Variants in RRM2B observed in about 807,000 individuals in gnomAD.
RRM2B encodes the protein ribonucleoside-diphosphate reductase subunit M2 B.
In RRM2B, 20 loss-of-function variants were observed where a neutral mutation model predicts 45.9. The observed-to-expected ratio is 0.44, with a 90% CI of 0.31 to 0.63. The LOEUF is 0.63. Among genes scored for constraint, RRM2B ranks in the 30% least tolerant of loss-of-function variants. The pLI, the probability that RRM2B is intolerant of heterozygous loss-of-function variation, is 0.09. For missense variants in RRM2B, 320 were observed against 414.7 expected (o/e 0.77, Z 1.98); for synonymous variants, 124 against 132.3 (o/e 0.94, Z 0.43).
In RRM2B at chr8:102,226,644, T is replaced by C. The variant is rs564309521; in HGVS notation, c.205-610A>G. ...TAATTAGGCACCTATTAACCAACTG[T>C]AGCTGCTACTTTACTGCCAGGTAAT... On this transcript the variant is annotated intron_variant, in intron 2 of 8. Coordinates refer to ENST00000251810, the MANE Select transcript of RRM2B (RefSeq NM_015713.5). Among the ~76,000 whole-genome samples the C allele has an allele frequency of 5.3e-5, 8 of 152,322 alleles. No homozygotes were observed. The East Asian group carries it at 9.6e-4, about 18-fold the overall frequency.
intron 5 of RRM2B, among the ~76,000 whole-genome samples, chr8:102,221,970 A>C (rs1810844605): frequency 6.6e-6 from 1 of 152,078 alleles, no homozygotes; most frequent in African/African-American, 2.4e-5. Flanking sequence ...CCTCAGTCCC[A>C]CCTGGGCCTC....
chr8:102,238,493 A>C, intron 1 of RRM2B: 1 of 1,337,448 alleles, frequency 7.5e-7, no homozygotes, highest in Non-Finnish European at 9.9e-7. Flanking sequence ...TTCCCTGGCC[A>C]GGGCTCCAAA....
At chr8:102,233,378 T>C (rs1811067604) in intron 1 of RRM2B, among the ~76,000 whole-genome samples, 1 of 152,226 alleles carries the variant, frequency 6.6e-6, no homozygotes, top group African/African-American at 2.4e-5. Flanking sequence ...TAACTACTTG[T>C]TTAAAGGTAT....
chr8:102,237,579 T>A (rs891875356), intron 1 of RRM2B, among the ~76,000 whole-genome samples: 1 of 152,256 alleles, frequency 6.6e-6, no homozygotes, highest in Non-Finnish European at 1.5e-5. Flanking sequence ...TAAAAACTTT[T>A]GGACCACTAA....
In RRM2B at chr8:102,211,833, C is replaced by T. The variant is rs142766081; in HGVS notation, c.903+943G>A. Among the ~76,000 whole-genome samples, 128 of 152,264 alleles carry T rather than the reference C, an allele frequency of 8.4e-4. 2 individuals carry two copies. In the Middle Eastern group the frequency reaches 0.014, roughly 16 times the overall value. On this transcript the variant is annotated intron_variant, in intron 8 of 8. Coordinates refer to ENST00000251810, the MANE Select transcript of RRM2B (RefSeq NM_015713.5). ...TAGTTTATCTTACCAAAAAAACCTACGCCCCACTTGACTTTTTCATTAAGT... is the reference window on the plus strand; with the variant it reads ...TAGTTTATCTTACCAAAAAAACCTATGCCCCACTTGACTTTTTCATTAAGT...
At chr8:102,238,463 T>A in intron 1 of RRM2B, 1 of 1,129,300 alleles carries the variant, frequency 8.9e-7, no homozygotes, top group Non-Finnish European at 1.2e-6. Context: ...GCCGCCACAG[T>A]CCTCTTTCCT....
chr8:102,218,682 T>A lies in RRM2B; in HGVS notation c.684+132A>T, dbSNP rs1269736235. The A allele has an allele frequency of 3.3e-5, 24 of 718,230 alleles. No individual in the cohort carries two copies. In the Admixed American group the frequency reaches 4.2e-4, roughly 12 times the overall value. The allele number at this position is 718,230 out of a possible 1,614,324, so 44.5% of individuals were successfully genotyped here. A position where few individuals can be genotyped will look rare whatever the true frequency, so the allele number is the denominator to read the frequency against. The stretch of plus-strand genomic sequence containing the variant: ...TCGAGGCTGCAGCAAGCCATGATCG[T>A]GCCACTGTATGCCAGCCTGGGTGAC... On this transcript the variant is annotated intron_variant, in intron 6 of 8. Transcript: ENST00000251810.
chr8:102,211,498 C>T (rs769414742), intron 8 of RRM2B, among the ~76,000 whole-genome samples: 9 of 152,112 alleles, frequency 5.9e-5, no homozygotes, highest in Non-Finnish European at 1.2e-4. Flanking sequence ...GTTTTACATA[C>T]CTACAGTTAG....
chr8:102,215,821 G>A (rs1342362098), intron 6 of RRM2B, among the ~76,000 whole-genome samples: 1 of 151,490 alleles, frequency 6.6e-6, no homozygotes, highest in Non-Finnish European at 1.5e-5. Context: ...GTACATGCAT[G>A]TAGTTCCAGC....
At chr8:102,220,718 A>C (rs1331078273) in intron 5 of RRM2B, among the ~76,000 whole-genome samples, 2 of 152,238 alleles carry the variant, frequency 1.3e-5, no homozygotes, top group Non-Finnish European at 2.9e-5. Flanking sequence ...TTATAGGCAC[A>C]AGCCACTGTG....
In RRM2B at chr8:102,207,835, A is replaced by T. The variant is rs1563658396; in HGVS notation, c.*298T>A. 3.7e-6 allele frequency: 1 copy of T among 268,058 alleles called. No homozygotes were observed. The highest frequency in any genetic ancestry group is 7.1e-6 in the Non-Finnish European group (1 of 139,916). 16.6% of individuals were successfully genotyped at this position (268,058 alleles called of 1,614,324 possible). ...TTTACCAAGATTAACTGACTTGCCA[A>T]GGGTCACACACTGGAGTAAGGGCAG... is the stretch of plus-strand genomic sequence containing the variant. On this transcript the variant is annotated 3_prime_UTR_variant, in exon 9 of 9. Transcript: ENST00000251810.
intron 6 of RRM2B, among the ~76,000 whole-genome samples, chr8:102,216,683 C>A (rs1810736476): frequency 6.6e-6 from 1 of 151,614 alleles, no homozygotes; most frequent in African/African-American, 2.4e-5. Context: ...AATATTGCAC[C>A]AGTAATAAAG....
chr8:102,230,663 A>T (rs1022425661), intron 2 of RRM2B, among the ~76,000 whole-genome samples: 1 of 152,236 alleles, frequency 6.6e-6, no homozygotes, highest in African/African-American at 2.4e-5. Flanking sequence ...TGTTGACAAT[A>T]TAACACTACA....
intron 4 of RRM2B, 64 bp from the exon 5 acceptor site, chr8:102,224,204 C>CAA: frequency 9.2e-7 from 1 of 1,081,896 alleles, no homozygotes. Flanking sequence ...TTTTTTGAGA[C>CAA]AGAGTCTCGC....
At chr8:102,234,728 T>C (rs1811090244) in intron 1 of RRM2B, 1 of 153,196 alleles carries the variant, frequency 6.5e-6, no homozygotes, top group South Asian at 2.0e-4. Flanking sequence ...CGCGTACCTG[T>C]AGTCCCAGCT....
At chr8:102,219,016 T>C in intron 5 of RRM2B, 69 bp from the exon 6 acceptor site, 14 of 1,415,026 alleles carry the variant, frequency 9.9e-6, no homozygotes, top group East Asian at 2.3e-5. Flanking sequence ...TATATACACA[T>C]ATATAACAAT....
chr8:102,229,491 T>G (rs927829831), intron 2 of RRM2B, among the ~76,000 whole-genome samples: 1 of 152,252 alleles, frequency 6.6e-6, no homozygotes, highest in Non-Finnish European at 1.5e-5. Flanking sequence ...GTCTTCATCT[T>G]TTAAAATATG....
At chr8:102,234,164 A>C (rs1587187842) in intron 1 of RRM2B, among the ~76,000 whole-genome samples, 1 of 152,330 alleles carries the variant, frequency 6.6e-6, no homozygotes, top group Non-Finnish European at 1.5e-5. Flanking sequence ...GTCACTCTTC[A>C]GCACCAAATG....
chr8:102,238,908 G>A lies in RRM2B; in HGVS notation c.-34C>T. 1 of 1,605,390 alleles carries A rather than the reference G, an allele frequency of 6.2e-7. No homozygotes were observed. Among genetic ancestry groups the A allele is most frequent in the East Asian group, 2.2e-5 (1 of 44,844 alleles). On this transcript the variant is annotated 5_prime_UTR_variant, in exon 1 of 9. Transcript: ENST00000251810. ...CTCCGCCGAAGCTACGGGCGCTGAG[G>A]GAACTGAGCTCCTCAGGCCACCTCC... is the stretch of plus-strand genomic sequence containing the variant.
Sources: allele counts gnomAD v4.1 joint callset (sites outside exome capture counted in the v4.1 genomes callset), GRCh38; gene constraint gnomAD v4.1.1; transcripts MANE v1.5; gene names NCBI Gene and HGNC (gene_info 2026-07-23, HGNC 2026-07-21).